Variants in ANGPTL2 observed in about 807,000 individuals in gnomAD.
ANGPTL2 encodes the protein angiopoietin like 2, also known as angiopoietin-related protein 2.
Under a neutral mutation model 52.8 loss-of-function variants are expected in ANGPTL2, and 25 were observed. The ratio of observed to expected loss-of-function variants is 0.47; its 90% CI spans 0.35 to 0.66. The LOEUF (loss-of-function observed/expected upper bound fraction) is 0.66, where lower values mean the gene tolerates loss of function less well. Ranked by LOEUF, ANGPTL2 falls within the 30% of genes least tolerant of loss-of-function variation. The pLI is 0.01. For missense variants in ANGPTL2, 546 were observed against 656.9 expected, an observed-to-expected ratio of 0.83 and a Z score of 1.84; for synonymous variants, 276 against 277.4, an observed-to-expected ratio of 1.00 and a Z score of 0.05.
At chr9:127,102,831 G>C (rs1301796397) in intron 2 of ANGPTL2, among the ~76,000 whole-genome samples, 1 of 152,240 alleles carries the variant, frequency 6.6e-6, no homozygotes, top group Non-Finnish European at 1.5e-5. Context: ...TATGTAGTTT[G>C]TACTGAATTT....
At chr9:127,104,925 G>C (rs1262609419) in intron 2 of ANGPTL2, among the ~76,000 whole-genome samples, 1 of 152,234 alleles carries the variant, frequency 6.6e-6, no homozygotes, top group Non-Finnish European at 1.5e-5. Flanking sequence ...ATAAGAACCT[G>C]CCCCAAGCTC....
intron 2 of ANGPTL2, among the ~76,000 whole-genome samples, chr9:127,094,663 GT>G (rs1281406676): frequency 1.3e-5 from 2 of 152,238 alleles, no homozygotes; most frequent in African/African-American, 4.8e-5. Context: ...GAATCTGTGT[GT>G]TTTCCAAAGG....
At chr9:127,098,388 G>A (rs560758797) in intron 2 of ANGPTL2, among the ~76,000 whole-genome samples, 5 of 152,222 alleles carry the variant, frequency 3.3e-5, no homozygotes, top group East Asian at 1.9e-4. Flanking sequence ...AGAGTGGAGC[G>A]AGTGCTGCGA....
intron 2 of ANGPTL2, among the ~76,000 whole-genome samples, chr9:127,097,722 T>C (rs928093270): frequency 6.6e-6 from 1 of 152,230 alleles, no homozygotes; most frequent in Non-Finnish European, 1.5e-5. Context: ...AGCTGTTCCA[T>C]ATAAATAATG....
At chr9:127,090,884 G>A (rs1284012084) in intron 4 of ANGPTL2, among the ~76,000 whole-genome samples, 1 of 152,170 alleles carries the variant, frequency 6.6e-6, no homozygotes, top group Non-Finnish European at 1.5e-5. Context: ...GCTGATATCT[G>A]GACTCAGGGC....
chr9:127,088,996 A>G lies in ANGPTL2; in HGVS notation c.1425T>C (p.Ser475=), dbSNP rs1219130147. The change falls in exon 5 of 5, where the codon TCT becomes TCC. Residue 475 remains serine, a synonymous_variant. Transcript: ENST00000373425. ...GVYWAEFRGG[S]YSLKKVVMMI... is the part of the protein sequence containing the mutation. ...TCATCACCACTTTCTTGAGTGAGTA[A>G]GAGCCTCCTCGGAACTCAGCCCAGT... is the stretch of plus-strand genomic sequence containing the variant. 3.7e-6 allele frequency: 6 copies of G among 1,614,180 alleles called. No individual in the cohort carries two copies. Among genetic ancestry groups the G allele is most frequent in the Non-Finnish European group, 5.1e-6 (6 of 1,180,028 alleles).
In ANGPTL2 at chr9:127,108,081, G is replaced by A. The variant is rs1211072692; in HGVS notation, c.651C>T (p.Pro217=). The A allele has an allele frequency of 1.9e-6, 3 of 1,611,482 alleles. No homozygotes were observed. Among genetic ancestry groups the A allele is most frequent in the East Asian group, 2.2e-5 (1 of 44,796 alleles). The change falls in exon 2 of 5, where the codon CCC becomes CCT. Residue 217 remains proline (P), a synonymous_variant. Coordinates refer to ENST00000373425, the MANE Select transcript of ANGPTL2 (RefSeq NM_012098.3). ...VPSARPVPQP[P]PAAPPRVYQP... ...GGTAGACCCGGGGCGGGGCAGCGGG[G>A]GGTGGCTGGGGGACGGGCCTGGCCG...
chr9:127,089,196 A>G (rs1397629642), intron 4 of ANGPTL2, 58 bp from the exon 5 acceptor site: 22 of 1,583,100 alleles, frequency 1.4e-5, no homozygotes, highest in South Asian at 3.3e-5. Flanking sequence ...ACTTGCGTCC[A>G]TAGTGCTCAG....
intron 4 of ANGPTL2, among the ~76,000 whole-genome samples, chr9:127,090,071 A>G (rs1402096995): frequency 6.6e-6 from 1 of 152,176 alleles, no homozygotes; most frequent in Non-Finnish European, 1.5e-5. Context: ...AGGTTTTCCC[A>G]GAGTTTTTCT....
Position 127,116,288 on chromosome 9 carries a change from C to T in ANGPTL2, c.-50+6027G>A, listed in dbSNP as rs745518467. 3.7e-4 allele frequency among the ~76,000 whole-genome samples: 56 copies of T among 151,196 alleles called. 1 individual carries two copies. The highest frequency in any genetic ancestry group is 2.9e-4 in the Non-Finnish European group (20 of 67,854). On this transcript the variant is annotated intron_variant, in intron 1 of 4. Transcript: ENST00000373425. ...CTCCAGGAAGAGTTCATGGAGGAGGCGGGTTGTGGTCACACCATGAGATCA... is the reference window on the plus strand; with the variant it reads ...CTCCAGGAAGAGTTCATGGAGGAGGTGGGTTGTGGTCACACCATGAGATCA...
intron 4 of ANGPTL2, among the ~76,000 whole-genome samples, chr9:127,090,659 C>T (rs550679268): frequency 3.3e-5 from 5 of 152,240 alleles, no homozygotes; most frequent in Non-Finnish European, 7.3e-5. Context: ...TGAGAGCTCG[C>T]TTCTCAAGTG....
At chr9:127,101,712 GTCT>G (rs1385905945) in intron 2 of ANGPTL2, among the ~76,000 whole-genome samples, 1 of 152,194 alleles carries the variant, frequency 6.6e-6, no homozygotes, top group African/African-American at 2.4e-5. Context: ...TGCACATTAT[GTCT>G]GGGATGGTGC....
intron 2 of ANGPTL2, among the ~76,000 whole-genome samples, chr9:127,107,705 CT>C (rs569376026): frequency 6.6e-5 from 10 of 152,150 alleles, no homozygotes; most frequent in Non-Finnish European, 1.3e-4. Flanking sequence ...TTGGTAATAT[CT>C]TTGAGGATCC....
chr9:127,121,034 C>A (rs2056025860), intron 1 of ANGPTL2, among the ~76,000 whole-genome samples: 1 of 152,156 alleles, frequency 6.6e-6, no homozygotes, highest in Admixed American at 6.5e-5. Context: ...AGCCACACCA[C>A]TGGGTTCAAG....
At chr9:127,097,016 T>A (rs548520892) in intron 2 of ANGPTL2, among the ~76,000 whole-genome samples, 4 of 152,228 alleles carry the variant, frequency 2.6e-5, no homozygotes, top group African/African-American at 9.6e-5. Flanking sequence ...ACACACTACT[T>A]CTTTTCCCCC....
chr9:127,091,464 G>A lies in ANGPTL2; in HGVS notation c.1282+206C>T, dbSNP rs1041953664. Among the ~76,000 whole-genome samples the A allele has an allele frequency of 2.6e-5, 4 of 151,622 alleles. No homozygotes were observed. Among genetic ancestry groups the A allele is most frequent in the Non-Finnish European group, 5.9e-5 (4 of 67,890 alleles). ...CATCCCATTTTTTTTTTCTTAATTTGTAAATGCCACTGTGACCCAGCTTTG... is the reference window on the plus strand; with the variant it reads ...CATCCCATTTTTTTTTTCTTAATTTATAAATGCCACTGTGACCCAGCTTTG... On this transcript the variant is annotated intron_variant, in intron 4 of 4. Coordinates refer to ENST00000373425, the MANE Select transcript of ANGPTL2 (RefSeq NM_012098.3). The surrounding 1 kb of genome is among the most constrained non-coding windows in gnomAD (Gnocchi z 4.3).
intron 2 of ANGPTL2, among the ~76,000 whole-genome samples, chr9:127,094,802 G>A (rs1458164543): frequency 6.6e-6 from 1 of 152,220 alleles, no homozygotes; most frequent in Non-Finnish European, 1.5e-5. Flanking sequence ...TGAGACCAGA[G>A]GGTTCTGTGA....
rs1269938695 is a variant in ANGPTL2, at chr9:127,112,538, G to T, written c.-49-3758C>A. On this transcript the variant is annotated intron_variant, in intron 1 of 4. Transcript: ENST00000373425. ...CAAGCCTTCCTGGACCTCCAGATTT[G>T]ATTTGCACTATTTATGGTTGAGTTC... 2.0e-5 allele frequency among the ~76,000 whole-genome samples: 3 copies of T among 152,352 alleles called. No individual in the cohort carries two copies. The East Asian group carries it at 5.8e-4, about 29-fold the overall frequency.
chr9:127,106,178 T>C (rs1255299548), intron 2 of ANGPTL2, among the ~76,000 whole-genome samples: 4 of 152,226 alleles, frequency 2.6e-5, no homozygotes, highest in Non-Finnish European at 5.9e-5. Context: ...AGGAGATCTG[T>C]TGAGTAACCA....
Sources: gnomAD v4.1 joint callset for allele counts (sites outside exome capture counted in the v4.1 genomes callset) on GRCh38, gnomAD v4.1.1 for gene constraint, Gnocchi (gnomAD v3.1) non-coding constraint, MANE v1.5 for transcripts, NCBI Gene and HGNC (gene_info 2026-07-23, HGNC 2026-07-21) for gene names.